CAMK2A: variants seen among roughly 807,000 people sequenced by gnomAD.
The protein encoded by CAMK2A is calcium/calmodulin-dependent protein kinase type II subunit alpha.
CAMK2A carries 7 observed loss-of-function variants against 79.2 expected under a neutral mutation model. That is an observed-to-expected ratio of 0.09 (90% CI 0.05 to 0.17). The LOEUF (loss-of-function observed/expected upper bound fraction) is 0.17. CAMK2A is among the 10% of genes least tolerant of loss of function. CAMK2A has a pLI of 1.00. For synonymous variants in CAMK2A, 242 were observed against 251.7 expected, an observed-to-expected ratio of 0.96 and a Z score of 0.36; for missense variants, 214 against 646.4, an observed-to-expected ratio of 0.33 and a Z score of 7.25.
chr5:150,256,797 C>A lies in CAMK2A; in HGVS notation c.307G>T (p.Ala103Ser). 1 of 1,614,136 alleles carries A rather than the reference C, an allele frequency of 6.2e-7. No individual in the cohort carries two copies. Among genetic ancestry groups the A allele is most frequent in the Non-Finnish European group, 8.5e-7 (1 of 1,179,990 alleles). ...TGGELFEDIV[A>S]REYYSEADAS... ...TCCGCCTCACTGTAATACTCCCGGG[C>A]CACGATATCTTCAAACAGTTCCCCA... The change falls in exon 5 of 19, where the codon GCC (alanine) becomes TCC (serine). Residue 103 changes from alanine to serine, a missense_variant. Coordinates refer to ENST00000671881, the MANE Select transcript of CAMK2A (RefSeq NM_015981.4). The surrounding 1 kb of genome is among the most constrained non-coding windows in gnomAD (Gnocchi z 4.6).
chr5:150,238,492 C>T (rs767858317), intron 15 of CAMK2A: 20 of 643,930 alleles, frequency 3.1e-5, no homozygotes, highest in Middle Eastern at 2.5e-4. Flanking sequence ...GAAAACCTAT[C>T]TACACACCAG....
intron 1 of CAMK2A, among the ~76,000 whole-genome samples, chr5:150,287,070 C>G (rs530646983): frequency 6.6e-6 from 1 of 152,314 alleles, no homozygotes; most frequent in Non-Finnish European, 1.5e-5. Context: ...CTACGCAGGG[C>G]ACTGCCCCTC....
chr5:150,269,995 A>G (rs1756674303), intron 2 of CAMK2A, among the ~76,000 whole-genome samples: 1 of 151,894 alleles, frequency 6.6e-6, no homozygotes, highest in Non-Finnish European at 1.5e-5. Context: ...CGAGCTGGAG[A>G]GTGGGGCCTG....
chr5:150,251,753 A>G lies in CAMK2A; in HGVS notation c.690T>C (p.Tyr230=). The G allele has an allele frequency of 6.2e-7, 1 of 1,601,752 alleles. No individual in the cohort carries two copies. The highest frequency in any genetic ancestry group is 8.5e-7 in the Non-Finnish European group (1 of 1,174,924). ...RLYQQIKAGA[Y]DFPSPEWDTV... Reference sequence around the variant, plus strand: ...TGAAGAGAGGAGCGACACTCACATCATAGGCGCCGGCTTTGATCTGCTGGT... The same window carrying G: ...TGAAGAGAGGAGCGACACTCACATCGTAGGCGCCGGCTTTGATCTGCTGGT... Residue 230 remains tyrosine (Y), a synonymous_variant, in exon 9 of 19, where the codon TAT becomes TAC. Coordinates refer to ENST00000671881, the MANE Select transcript of CAMK2A (RefSeq NM_015981.4).
chr5:150,245,338 G>GCCT (rs34649296), intron 12 of CAMK2A, 137 bp from the exon 13 acceptor site: 57,737 of 657,884 alleles, frequency 0.088, 1,376 homozygotes, highest in South Asian at 0.12. Context: ...CCTGGGGGAG[G>GCCT]CCTCCTCCTC....
chr5:150,230,115 C>T (rs1238635319), intron 16 of CAMK2A, among the ~76,000 whole-genome samples: 3 of 151,972 alleles, frequency 2.0e-5, no homozygotes, highest in South Asian at 4.2e-4. Context: ...GCCAGGAGTT[C>T]GAGACCAGCC....
chr5:150,245,342 C>CCTT, intron 12 of CAMK2A, 141 bp from the exon 13 acceptor site: 1 of 522,120 alleles, frequency 1.9e-6, no homozygotes, highest in East Asian at 3.9e-5. Context: ...GGGGAGGCCT[C>CCTT]CTCCTCCTCC....
At position 150,265,899 on chromosome 5, in the gene CAMK2A, C is replaced by T. The variant is rs578158529; in HGVS notation, c.158-884G>A. The stretch of plus-strand genomic sequence containing the variant: ...GGAGTGAGCTGAGATCACGCCACTG[C>T]ACTCCAGCCTAGGCGACAGAGCGAG... On this transcript the variant is annotated intron_variant, in intron 2 of 18. Transcript: ENST00000671881. Among the ~76,000 whole-genome samples the T allele has an allele frequency of 2.5e-3, 375 of 149,000 alleles. 1 individual carries two copies. The highest frequency in any genetic ancestry group is 4.4e-3 in the Non-Finnish European group (297 of 67,508).
chr5:150,257,243 T>C (rs773121624), intron 4 of CAMK2A, among the ~76,000 whole-genome samples: 1 of 152,192 alleles, frequency 6.6e-6, no homozygotes, highest in Non-Finnish European at 1.5e-5. Flanking sequence ...ATCATTTCAT[T>C]ATTGCTTCTC....
At chr5:150,289,162 G>A (rs541228663) in intron 1 of CAMK2A, among the ~76,000 whole-genome samples, 4 of 152,172 alleles carry the variant, frequency 2.6e-5, no homozygotes, top group Non-Finnish European at 2.9e-5. Context: ...AGTGGAGGGC[G>A]GATGGCCACC....
chr5:150,247,534 T>C (rs2150276031), intron 12 of CAMK2A, among the ~76,000 whole-genome samples: 1 of 152,210 alleles, frequency 6.6e-6, no homozygotes, highest in Non-Finnish European at 1.5e-5. Flanking sequence ...GCTGTAGGAG[T>C]GGGCAGCCAG....
rs1756783488 is a variant in CAMK2A, at chr5:150,272,394, A to T, written c.157+671T>A. 2.6e-5 allele frequency among the ~76,000 whole-genome samples: 4 copies of T among 152,190 alleles called. No homozygotes were observed. In the South Asian group the frequency reaches 8.3e-4, roughly 32 times the overall value. On this transcript the variant is annotated intron_variant, in intron 2 of 18. Transcript: ENST00000671881. The stretch of plus-strand genomic sequence containing the variant: ...AGCCTGGCCAACATGGTGAAACCCC[A>T]TCGCTACTAAAAATACAAAGAGAAA...
chr5:150,267,001 G>A (rs1282980810), intron 2 of CAMK2A, among the ~76,000 whole-genome samples: 2 of 152,216 alleles, frequency 1.3e-5, no homozygotes, highest in Non-Finnish European at 2.9e-5. Flanking sequence ...AATACTGAAA[G>A]GTGGCTTTTC....
At position 150,257,768 on chromosome 5, in the gene CAMK2A, G is replaced by A; in HGVS notation, c.218-151C>T. The A allele has an allele frequency of 4.6e-6, 3 of 654,600 alleles. No individual in the cohort carries two copies. In the Admixed American group the frequency reaches 6.5e-5, roughly 14 times the overall value. 40.5% of individuals were successfully genotyped at this position (654,600 alleles called of 1,614,324 possible). On this transcript the variant is annotated intron_variant, in intron 3 of 18. Coordinates refer to ENST00000671881, the MANE Select transcript of CAMK2A (RefSeq NM_015981.4). ...GTGCCAGGTGCTTTGACAAGCGCTG[G>A]TGAACAAGGGCTCACTGCATTGAGT...
At chr5:150,222,917 G>C in intron 18 of CAMK2A, 72 bp downstream of exon 18, 1 of 1,489,632 alleles carries the variant, frequency 6.7e-7, no homozygotes, top group African/African-American at 1.4e-5. Flanking sequence ...CAGCTTCCCC[G>C]ACGTAACCCC....
In CAMK2A at chr5:150,289,761, G is replaced by A. The variant is rs1757588709; in HGVS notation, c.-136C>T. ...AACAGAGAACCGGTTTGACTGACGA[G>A]CCCGGGGCTTCTGAGCAGGGCACTG... On this transcript the variant is annotated 5_prime_UTR_variant, in exon 1 of 19. Transcript: ENST00000671881. 7.7e-6 allele frequency: 5 copies of A among 647,672 alleles called. No homozygotes were observed. Among genetic ancestry groups the A allele is most frequent in the Non-Finnish European group, 8.1e-6 (3 of 371,956 alleles). The allele number at this position is 647,672 out of a possible 1,614,324, so 40.1% of individuals were successfully genotyped here.
intron 2 of CAMK2A, among the ~76,000 whole-genome samples, chr5:150,267,721 G>T (rs1230906147): frequency 6.6e-6 from 1 of 152,012 alleles, no homozygotes; most frequent in Non-Finnish European, 1.5e-5. Context: ...GACCTCCGAG[G>T]CCGTGTTCTG....
chr5:150,261,591 C>T (rs1038554302), intron 3 of CAMK2A, among the ~76,000 whole-genome samples: 4 of 152,074 alleles, frequency 2.6e-5, no homozygotes, highest in African/African-American at 7.2e-5. Flanking sequence ...TGTGATTTTC[C>T]GACAGTGGAT....
At chr5:150,283,165 A>C (rs1328998411) in intron 1 of CAMK2A, among the ~76,000 whole-genome samples, 1 of 152,180 alleles carries the variant, frequency 6.6e-6, no homozygotes, top group Non-Finnish European at 1.5e-5. Context: ...CAGACAATCT[A>C]CAGGTTTTTA....
Sources: gnomAD v4.1 joint callset for allele counts (sites outside exome capture counted in the v4.1 genomes callset) on GRCh38, gnomAD v4.1.1 for gene constraint, Gnocchi (gnomAD v3.1) non-coding constraint, MANE v1.5 for transcripts, NCBI Gene and HGNC (gene_info 2026-07-23, HGNC 2026-07-21) for gene names.